Variants in HOOK1 observed in about 807,000 individuals in gnomAD.
The protein encoded by HOOK1 is hook microtubule tethering protein 1.
In HOOK1, 60 loss-of-function variants were observed where a neutral mutation model predicts 112.8. The observed-to-expected ratio is 0.53, with a 90% CI of 0.43 to 0.66. HOOK1 has a LOEUF of 0.66. Ranked by LOEUF, HOOK1 falls within the 30% of genes least tolerant of loss-of-function variation. The pLI, the probability that HOOK1 is intolerant of heterozygous loss-of-function variation, is 0.00. For synonymous variants in HOOK1, 294 were observed against 283.8 expected, an observed-to-expected ratio of 1.04 and a Z score of -0.36; for missense variants, 770 against 856.0, an observed-to-expected ratio of 0.90 and a Z score of 1.25.
At chr1:59,833,354 A>G in intron 4 of HOOK1, 51 bp from the exon 5 acceptor site, 1 of 1,354,412 alleles carries the variant, frequency 7.4e-7, no homozygotes, top group Non-Finnish European at 9.7e-7. Flanking sequence ...AATGTAGCAA[A>G]TTCTTTGCAG....
At chr1:59,855,957 T>TTAAAAAAAAAA (rs2098410294) in intron 12 of HOOK1, among the ~76,000 whole-genome samples, 2 of 104,492 alleles carry the variant, frequency 1.9e-5, no homozygotes, top group African/African-American at 8.6e-5. Flanking sequence ...TATATATATA[T>TTAAAAAAAAAA]ATAAATTATT....
chr1:59,828,678 A>T, intron 2 of HOOK1, 102 bp from the exon 3 acceptor site: 1 of 847,350 alleles, frequency 1.2e-6, no homozygotes, highest in Non-Finnish European at 1.9e-6. Context: ...GTTATTAAGG[A>T]TAGGCTTTAA....
chr1:59,815,073 G>A lies in HOOK1; in HGVS notation c.-45G>A, dbSNP rs921210933. The A allele has an allele frequency of 7.3e-7, 1 of 1,376,764 alleles. No homozygotes were observed. The highest frequency in any genetic ancestry group is 9.3e-7 in the Non-Finnish European group (1 of 1,071,192). 85.3% of individuals were successfully genotyped at this position (1,376,764 alleles called of 1,614,324 possible). ...GGCTCCTGGAGGAGAGCCGGTAGGA[G>A]GGAGTGTGAAGGTGTCCGCGGCGTC... On this transcript the variant is annotated 5_prime_UTR_variant, in exon 1 of 22. Coordinates refer to ENST00000371208, the MANE Select transcript of HOOK1 (RefSeq NM_015888.6).
intron 2 of HOOK1, among the ~76,000 whole-genome samples, chr1:59,823,904 A>G (rs560810080): frequency 2.6e-5 from 4 of 152,346 alleles, no homozygotes; most frequent in African/African-American, 7.2e-5. Context: ...ACCATTAACA[A>G]ATGGCCAGTG....
chr1:59,858,978 T>A lies in HOOK1; in HGVS notation c.1331-7T>A, dbSNP rs1050573041. The A allele has an allele frequency of 3.3e-6, 5 of 1,529,618 alleles. No homozygotes were observed. In the African/African-American group the frequency reaches 4.1e-5, roughly 13 times the overall value. The allele number at this position is 1,529,618 out of a possible 1,614,324, so 94.8% of individuals were successfully genotyped here. On this transcript the variant is annotated splice_polypyrimidine_tract_variant and splice_region_variant and intron_variant, in intron 13 of 21. Transcript: ENST00000371208. ...GAAATGCTAATTTATTTTTTGTTAT[T>A]TTTTAGATGCATCTGCTACAAAAAG...
Position 59,847,201 on chromosome 1 carries a change from A to C in HOOK1, c.929+16A>C. On this transcript the variant is annotated intron_variant, in intron 10 of 21. Transcript: ENST00000371208. Reference sequence around the variant, plus strand: ...ATGTTCTTAGGTATGGCATGTCTTAAAAAATATAATTATGCCATTTCTGAG... The same window carrying C: ...ATGTTCTTAGGTATGGCATGTCTTACAAAATATAATTATGCCATTTCTGAG... 1 of 1,583,184 alleles carries C rather than the reference A, an allele frequency of 6.3e-7. No homozygotes were observed. Among genetic ancestry groups the C allele is most frequent in the Non-Finnish European group, 8.6e-7 (1 of 1,167,466 alleles).
chr1:59,829,004 A>G, intron 3 of HOOK1, 152 bp downstream of exon 3: 1 of 605,432 alleles, frequency 1.7e-6, no homozygotes, highest in East Asian at 2.9e-5. Context: ...TGTAACTACC[A>G]TCATAATTAA....
At chr1:59,850,011 T>G (rs2098406285) in intron 12 of HOOK1, among the ~76,000 whole-genome samples, 1 of 151,626 alleles carries the variant, frequency 6.6e-6, no homozygotes, top group Non-Finnish European at 1.5e-5. Flanking sequence ...GGTAACCAAG[T>G]TTAACTTCAC....
intron 2 of HOOK1, among the ~76,000 whole-genome samples, chr1:59,824,485 C>T (rs556503318): frequency 6.6e-5 from 10 of 152,156 alleles, no homozygotes; most frequent in Non-Finnish European, 1.2e-4. Flanking sequence ...GGATTACAGG[C>T]GTGAGCCACC....
At chr1:59,832,073 TA>T (rs1182953355) in intron 3 of HOOK1, 89 bp from the exon 4 acceptor site, 2 of 677,224 alleles carry the variant, frequency 3.0e-6, no homozygotes, top group Non-Finnish European at 5.0e-6. Flanking sequence ...TCTTTTTAAT[TA>T]GGGGAAAGTT....
At position 59,873,131 on chromosome 1, in the gene HOOK1, A is replaced by G. The variant is rs1644084823; in HGVS notation, c.*166A>G. The G allele has an allele frequency of 3.9e-6, 2 of 509,388 alleles. No homozygotes were observed. The highest frequency in any genetic ancestry group is 3.9e-5 in the African/African-American group (2 of 51,020). The allele number at this position is 509,388 out of a possible 1,614,324, so 31.6% of individuals were successfully genotyped here. On this transcript the variant is annotated 3_prime_UTR_variant, in exon 22 of 22. Coordinates refer to ENST00000371208, the MANE Select transcript of HOOK1 (RefSeq NM_015888.6). ...CAAATTAATTTTGCCAGTTGACTTT[A>G]AAAACAAATTATAGAATTAGCCATC...
chr1:59,820,232 T>C (rs987107950), intron 1 of HOOK1, among the ~76,000 whole-genome samples: 1 of 152,244 alleles, frequency 6.6e-6, no homozygotes, highest in South Asian at 2.1e-4. Context: ...TCATAGCTAA[T>C]GTGCTAACAG....
At chr1:59,846,568 TTCCTTCCTTCCTTCCTTCCTCCC>T (rs1167316235) in intron 9 of HOOK1, among the ~76,000 whole-genome samples, 1 of 74,566 alleles carries the variant, frequency 1.3e-5, no homozygotes, top group African/African-American at 6.1e-5. Context: ...CCTTCCTTCC[TTCCTTCCTTCCTTCCTTCCTCCC>T]TCCTCCCTCC....
In HOOK1 at chr1:59,848,502, A is replaced by C. The variant is rs1345437862; in HGVS notation, c.1117A>C (p.Thr373Pro). The change falls in exon 11 of 22, where the codon ACA (threonine) becomes CCA (proline). Residue 373 changes from threonine to proline, a missense_variant. Thr to Pro is a conservative substitution (Grantham distance 38). Around this residue, in one of 3 missense-constraint regions of HOOK1, gnomAD observed 655 missense variants for 725.9 expected, o/e 0.90. Transcript: ENST00000371208. The part of the protein sequence containing the change: ...KANAARTQLE[T>P]YKRQVQDLHV... ...AAATGCAGCACGTACACAATTAGAA[A>C]CATACAAAAGGCAGGTAAGAAACAT... 1.2e-6 allele frequency: 2 copies of C among 1,607,076 alleles called. No individual in the cohort carries two copies. Among genetic ancestry groups the C allele is most frequent in the Non-Finnish European group, 1.7e-6 (2 of 1,175,328 alleles).
In HOOK1 at chr1:59,815,018, T is replaced by A; in HGVS notation, c.-100T>A. The stretch of plus-strand genomic sequence containing the variant: ...GCGCGGGTCGGGCCTGGTACCGAGC[T>A]TTCCTGGGGGCTAGCAGGTCGTGGA... On this transcript the variant is annotated 5_prime_UTR_variant, in exon 1 of 22. Coordinates refer to ENST00000371208, the MANE Select transcript of HOOK1 (RefSeq NM_015888.6). The A allele has an allele frequency of 1.6e-6, 2 of 1,275,022 alleles. No homozygotes were observed. The highest frequency in any genetic ancestry group is 2.6e-5 in the South Asian group (2 of 77,746). The allele number at this position is 1,275,022 out of a possible 1,614,324, so 79.0% of individuals were successfully genotyped here.
chr1:59,859,060 T>C lies in HOOK1; in HGVS notation c.1391+15T>C. The C allele has an allele frequency of 7.4e-7, 1 of 1,346,776 alleles. No homozygotes were observed. Among genetic ancestry groups the C allele is most frequent in the Non-Finnish European group, 1.0e-6 (1 of 989,644 alleles). The allele number at this position is 1,346,776 out of a possible 1,614,324, so 83.4% of individuals were successfully genotyped here. On this transcript the variant is annotated intron_variant, in intron 14 of 21. Transcript: ENST00000371208. ...GTGGAATATAGGTAAATTTGTTTCA[T>C]AATTTGATAGAATTATATTTAATAT...
rs533399046 is a variant in HOOK1, at chr1:59,814,952, A to G, written c.-166A>G. On this transcript the variant is annotated 5_prime_UTR_variant, in exon 1 of 22. Transcript: ENST00000371208. ...GGCGGGGGCGGGTGAGGAGGGGGTG[A>G]CGCCGGACGCGTCGACAGCGCGAGG... The G allele has an allele frequency of 1.4e-5, 9 of 639,528 alleles. No homozygotes were observed. The highest frequency in any genetic ancestry group is 3.9e-5 in the South Asian group (2 of 51,666). 39.6% of individuals were successfully genotyped at this position (639,528 alleles called of 1,614,324 possible).
rs574399590 is a variant in HOOK1, at chr1:59,868,520, C to T, written c.1947+169C>T. ...CATCTCACTGGCCGCCCAATAGATG[C>T]TCTGTGTGTAGCTCATATACCCTGT... is the stretch of plus-strand genomic sequence containing the variant. On this transcript the variant is annotated intron_variant, in intron 20 of 21. Transcript: ENST00000371208. Among the ~76,000 whole-genome samples, 21 of 152,324 alleles carry T rather than the reference C, an allele frequency of 1.4e-4. No individual in the cohort carries two copies. In the South Asian group the frequency reaches 1.9e-3, roughly 14 times the overall value.
chr1:59,821,916 T>C lies in HOOK1; in HGVS notation c.122T>C (p.Val41Ala), dbSNP rs140192316. ...CQDVKQLTSG[V>A]AMAQVLHQID... is the part of the protein sequence containing the mutation. ...GATGTCAAACAGCTGACTAGTGGAG[T>C]TGCCATGGCACAAGTTCTTCATCAA... The change falls in exon 2 of 22, where the codon GTT becomes GCT. Residue 41 changes from valine (V) to alanine (A), a missense_variant. Around this residue, in one of 3 missense-constraint regions of HOOK1, gnomAD observed 655 missense variants for 725.9 expected, o/e 0.90. Coordinates refer to ENST00000371208, the MANE Select transcript of HOOK1 (RefSeq NM_015888.6). 5.6e-6 allele frequency: 9 copies of C among 1,611,636 alleles called. No individual in the cohort carries two copies. The highest frequency in any genetic ancestry group is 7.6e-6 in the Non-Finnish European group (9 of 1,179,074).
Sources: allele counts gnomAD v4.1 joint callset (sites outside exome capture counted in the v4.1 genomes callset), GRCh38; gene constraint gnomAD v4.1.1; regional missense constraint gnomAD v4.1.1; transcripts MANE v1.5; gene names NCBI Gene and HGNC (gene_info 2026-07-23, HGNC 2026-07-21).